Variants in RXRG observed in about 807,000 individuals in gnomAD.
The protein encoded by RXRG is retinoic acid receptor RXR-gamma.
In RXRG, 19 loss-of-function variants were observed where a neutral mutation model predicts 49.2. The observed-to-expected ratio is 0.39, with a 90% CI of 0.27 to 0.57. The LOEUF (loss-of-function observed/expected upper bound fraction) is 0.57. Among genes scored for constraint, RXRG ranks in the 20% least tolerant of loss-of-function variants. RXRG has a pLI of 0.64. For synonymous variants in RXRG, 224 were observed against 216.6 expected (o/e 1.03, Z -0.30); for missense variants, 452 against 592.5 (o/e 0.76, Z 2.46).
At chr1:165,409,994 G>A (rs3767341) in intron 6 of RXRG, among the ~76,000 whole-genome samples, 9,319 of 151,928 alleles carry the variant, frequency 0.061, 520 homozygotes, top group East Asian at 0.29. Flanking sequence ...AACATTTAGC[G>A]GATAATAGTC....
intron 4 of RXRG, among the ~76,000 whole-genome samples, chr1:165,413,169 A>T (rs1235126328): frequency 2.0e-5 from 3 of 152,070 alleles, no homozygotes; most frequent in Admixed American, 6.6e-5. Context: ...GGAGTCATAT[A>T]TTGTTATTGG....
chr1:165,420,454 A>C (rs1340713494), intron 2 of RXRG, among the ~76,000 whole-genome samples: 1 of 152,192 alleles, frequency 6.6e-6, no homozygotes, highest in Non-Finnish European at 1.5e-5. Flanking sequence ...CCAAGCAAAA[A>C]AATGCAAATT....
At chr1:165,418,927 C>G (rs1658221100) in intron 3 of RXRG, among the ~76,000 whole-genome samples, 2 of 152,186 alleles carry the variant, frequency 1.3e-5, no homozygotes, top group Admixed American at 1.3e-4. Flanking sequence ...GTTCTAGGTG[C>G]CTGGAACTTT....
Position 165,427,731 on chromosome 1 carries a change from C to T in RXRG, c.297+988G>A, listed in dbSNP as rs59149379. Among the ~76,000 whole-genome samples the T allele has an allele frequency of 8.9e-3, 1,351 of 152,294 alleles. 18 individuals carry two copies. The highest frequency in any genetic ancestry group is 0.031 in the African/African-American group (1,300 of 41,552). On this transcript the variant is annotated intron_variant, in intron 2 of 9. Coordinates refer to ENST00000359842, the MANE Select transcript of RXRG (RefSeq NM_006917.5). ...TGCTAGGATTATAGGCATGAGCCAC[C>T]GTGCCCGGCCTGAATCAGTCATGGT...
chr1:165,415,961 C>A (rs1376543717), intron 4 of RXRG, among the ~76,000 whole-genome samples: 2 of 152,214 alleles, frequency 1.3e-5, no homozygotes, highest in African/African-American at 4.8e-5. Flanking sequence ...GTTTTCTCAT[C>A]TGGCGGATGG....
At position 165,409,569 on chromosome 1, in the gene RXRG, G is replaced by T; in HGVS notation, c.1035C>A (p.Ser345=). 1 of 1,491,484 alleles carries T rather than the reference G, an allele frequency of 6.7e-7. No individual in the cohort carries two copies. 92.4% of individuals were successfully genotyped at this position (1,491,484 alleles called of 1,614,324 possible). A position where few individuals can be genotyped will look rare whatever the true frequency, so the allele number is the denominator to read the frequency against. Residue 345 remains serine, a synonymous_variant, in exon 7 of 10, where the codon TCC becomes TCA. Coordinates refer to ENST00000359842, the MANE Select transcript of RXRG (RefSeq NM_006917.5). ...RSSAHSAGVG[S]IFDRVLTELV... ...CAGGAGAGAGACACCTGTCAAAGAT[G>T]GAGCCGACCCCAGCACTGTGGGCAC...
intron 1 of RXRG, among the ~76,000 whole-genome samples, chr1:165,431,159 C>G (rs372763684): frequency 6.6e-6 from 1 of 152,186 alleles, no homozygotes; most frequent in South Asian, 2.1e-4. Context: ...AGCCTTGATT[C>G]AAATTGCCAA....
intron 9 of RXRG, 118 bp downstream of exon 9, chr1:165,406,694 T>C: frequency 1.3e-6 from 1 of 765,062 alleles, no homozygotes; most frequent in Non-Finnish European, 2.2e-6. Context: ...CAGCTTGTTA[T>C]GAAGATTAAA....
In RXRG at chr1:165,428,822, G is replaced by A. The variant is rs750674966; in HGVS notation, c.194C>T (p.Ala65Val). The A allele has an allele frequency of 6.2e-7, 1 of 1,614,190 alleles. No individual in the cohort carries two copies. The highest frequency in any genetic ancestry group is 2.2e-5 in the East Asian group (1 of 44,876). ...TLSAVGTPLNALGSPYRVITS... is the reference protein window; with the variant it reads ...TLSAVGTPLNVLGSPYRVITS... ...GATGACTCGATATGGAGAGCCCAGG[G>A]CATTGAGGGGGGTCCCCACTGCACT... The change falls in exon 2 of 10, where the codon GCC (alanine) becomes GTC (valine). Residue 65 changes from alanine to valine, a missense_variant. By Grantham distance (64) the Ala-to-Val change is moderately conservative. This residue lies in a region of RXRG where 166 missense variants were observed against 151.7 expected (regional missense o/e 1.09). Transcript: ENST00000359842.
chr1:165,425,487 T>C (rs1368183507), intron 2 of RXRG, among the ~76,000 whole-genome samples: 2 of 152,216 alleles, frequency 1.3e-5, no homozygotes, highest in Non-Finnish European at 2.9e-5. Flanking sequence ...TTGGGATGAA[T>C]GTCAATGCCC....
chr1:165,444,655 C>G (rs1202774854), intron 1 of RXRG, among the ~76,000 whole-genome samples, 190 bp downstream of exon 1: 1 of 152,104 alleles, frequency 6.6e-6, no homozygotes, highest in African/African-American at 2.4e-5. Context: ...ACCTACAGAC[C>G]ATTCTTTCCT....
At chr1:165,422,272 G>T (rs1187050105) in intron 2 of RXRG, among the ~76,000 whole-genome samples, 1 of 152,186 alleles carries the variant, frequency 6.6e-6, no homozygotes, top group Non-Finnish European at 1.5e-5. Context: ...ACCCTAAGAG[G>T]TCTTCCTATT....
At chr1:165,433,614 G>T (rs1658739892) in intron 1 of RXRG, among the ~76,000 whole-genome samples, 1 of 152,226 alleles carries the variant, frequency 6.6e-6, no homozygotes, top group Non-Finnish European at 1.5e-5. Flanking sequence ...GAATAGCATT[G>T]CATACTCCTG....
chr1:165,432,276 T>C (rs542326502), intron 1 of RXRG, among the ~76,000 whole-genome samples: 6 of 152,334 alleles, frequency 3.9e-5, no homozygotes, highest in African/African-American at 1.4e-4. Flanking sequence ...CTCAATGGCC[T>C]TTAAAATATG....
rs1246762703 is a variant in RXRG, at chr1:165,406,857, G to A, written c.1199C>T (p.Thr400Ile). Residue 400 changes from threonine to isoleucine, a missense_variant, in exon 9 of 10, where the codon ACC becomes ATC. Around this residue, in one of 2 missense-constraint regions of RXRG, gnomAD observed 286 missense variants for 440.9 expected, o/e 0.65. Transcript: ENST00000359842. Reference sequence around the variant, plus strand: ...CTTCTGCTTGGTGTAGGCCTCAAGGGTGGCATAAACCTTCTCTCGCAGAGT... The same window carrying A: ...CTTCTGCTTGGTGTAGGCCTCAAGGATGGCATAAACCTTCTCTCGCAGAGT... ...VETLREKVYA[T>I]LEAYTKQKYP... is the part of the protein sequence containing the mutation. The A allele has an allele frequency of 6.2e-7, 1 of 1,613,972 alleles. No individual in the cohort carries two copies.
At chr1:165,409,783 C>T in intron 6 of RXRG, 93 bp from the exon 7 acceptor site, 1 of 1,169,028 alleles carries the variant, frequency 8.6e-7, no homozygotes, top group Non-Finnish European at 1.1e-6. Flanking sequence ...TCCCACATAA[C>T]ACAAGCAGAA....
At chr1:165,425,245 A>G (rs1385260111) in intron 2 of RXRG, among the ~76,000 whole-genome samples, 1 of 152,188 alleles carries the variant, frequency 6.6e-6, no homozygotes, top group Admixed American at 6.5e-5. Flanking sequence ...GCCTTGCCCA[A>G]TTCCTACCCA....
chr1:165,415,859 C>T (rs1658106547), intron 4 of RXRG, among the ~76,000 whole-genome samples: 1 of 152,132 alleles, frequency 6.6e-6, no homozygotes. Context: ...GAAGGAGACA[C>T]AGACTAGGGC....
intron 1 of RXRG, 129 bp from the exon 2 acceptor site, chr1:165,429,095 AG>A: frequency 1.0e-6 from 1 of 990,924 alleles, no homozygotes. Flanking sequence ...CACACCTGTA[AG>A]CCCTAGGTGC....
Sources: gnomAD v4.1 joint callset for allele counts (sites outside exome capture counted in the v4.1 genomes callset) on GRCh38, gnomAD v4.1.1 for gene constraint, gnomAD v4.1.1 regional missense constraint, MANE v1.5 for transcripts, NCBI Gene and HGNC (gene_info 2026-07-23, HGNC 2026-07-21) for gene names.